EIF3B: variants seen among roughly 807,000 people sequenced by gnomAD.
EIF3B encodes eukaryotic translation initiation factor 3 subunit B, also known as eukaryotic translation initiation factor 3 subunit 9.
Under a neutral mutation model 104.6 loss-of-function variants are expected in EIF3B, and 10 were observed. The observed-to-expected ratio is 0.10, with a 90% CI of 0.06 to 0.16. The LOEUF (loss-of-function observed/expected upper bound fraction) is 0.16, where lower values mean the gene tolerates loss of function less well. Ranked by LOEUF, EIF3B falls within the 10% of genes least tolerant of loss-of-function variation. The pLI is 1.00. For missense variants in EIF3B, 1,014 were observed against 1,087.9 expected, an observed-to-expected ratio of 0.93 and a Z score of 0.96; for synonymous variants, 542 against 417.2, an observed-to-expected ratio of 1.30 and a Z score of -3.65.
chr7:2,360,893 A>C lies in EIF3B; in HGVS notation c.683A>C (p.Lys228Thr), dbSNP rs1363256975. 2.5e-6 allele frequency: 4 copies of C among 1,610,510 alleles called. No individual in the cohort carries two copies. Among genetic ancestry groups the C allele is most frequent in the Non-Finnish European group, 3.4e-6 (4 of 1,176,962 alleles). ...GATTTTTATCCTGAAGAGGATGGGA[A>C]GACAAAAGGGTGAGTGTTCTCCTGT... is the stretch of plus-strand genomic sequence containing the variant. ...TNDFYPEEDGKTKGYIFLEYA... is the reference protein window; with the variant it reads ...TNDFYPEEDGTTKGYIFLEYA... The change falls in exon 2 of 19, where the codon AAG becomes ACG. Residue 228 changes from lysine (K) to threonine (T), a missense_variant. Coordinates refer to ENST00000360876, the MANE Select transcript of EIF3B (RefSeq NM_001037283.2).
chr7:2,360,601 C>T (rs370175348), intron 1 of EIF3B, 109 bp from the exon 2 acceptor site: 1 of 887,898 alleles, frequency 1.1e-6, no homozygotes, highest in Non-Finnish European at 1.7e-6. Context: ...ACAGTGAAAG[C>T]ATTTAGACAA....
At chr7:2,372,059 T>C in intron 11 of EIF3B, 1 of 528,858 alleles carries the variant, frequency 1.9e-6, no homozygotes, top group East Asian at 3.2e-5. Flanking sequence ...TAAAAAAAAT[T>C]AGCCAGGTGT....
intron 14 of EIF3B, 141 bp from the exon 15 acceptor site, chr7:2,376,809 C>G: frequency 7.8e-7 from 1 of 1,273,956 alleles, no homozygotes; most frequent in Admixed American, 2.7e-5. Context: ...CCCACCTACC[C>G]TGCTGTCAGC....
At position 2,362,606 on chromosome 7, in the gene EIF3B, T is replaced by C. The variant is rs1467044126; in HGVS notation, c.693-39T>C. The C allele has an allele frequency of 4.3e-6, 7 of 1,613,182 alleles. No individual in the cohort carries two copies. The South Asian group carries it at 7.7e-5, about 18-fold the overall frequency. ...CGGACAGCGCATACCTGCCTAGCCT[T>C]ACAGTGTGGGTATGTGCCAACGGCC... On this transcript the variant is annotated intron_variant, in intron 2 of 18. Transcript: ENST00000360876.
Position 2,354,861 on chromosome 7 carries a change from G to T in EIF3B, c.-61G>T. On this transcript the variant is annotated 5_prime_UTR_variant, in exon 1 of 19. Transcript: ENST00000360876. ...CTGTAGCCGTCGCGGCGCGCGGTGC[G>T]GCCTGGGAGAGTCGGAAGCGCGGCG... is the stretch of plus-strand genomic sequence containing the variant. 9.2e-7 allele frequency: 1 copy of T among 1,087,846 alleles called. No homozygotes were observed. The highest frequency in any genetic ancestry group is 1.1e-6 in the Non-Finnish European group (1 of 895,478). The allele number at this position is 1,087,846 out of a possible 1,614,324, so 67.4% of individuals were successfully genotyped here. A position where few individuals can be genotyped will look rare whatever the true frequency, so the allele number is the denominator to read the frequency against.
chr7:2,373,544 A>G (rs1780472126), intron 12 of EIF3B: 1 of 152,144 alleles, frequency 6.6e-6, no homozygotes, highest in African/African-American at 2.4e-5. Flanking sequence ...CACCTTTCGC[A>G]GCATGATTCT....
In EIF3B at chr7:2,364,999, C is replaced by T. The variant is rs1261774842; in HGVS notation, c.1157+470C>T. Among the ~76,000 whole-genome samples, 5 of 152,244 alleles carry T rather than the reference C, an allele frequency of 3.3e-5. No individual in the cohort carries two copies. In the South Asian group the frequency reaches 6.2e-4, roughly 19 times the overall value. ...TCCTTCCTCTATCACCCAGGCTTGGCGCCACCCAGTGGCACCATTGCAGGC... is the reference window on the plus strand; with the variant it reads ...TCCTTCCTCTATCACCCAGGCTTGGTGCCACCCAGTGGCACCATTGCAGGC... On this transcript the variant is annotated intron_variant, in intron 6 of 18. Coordinates refer to ENST00000360876, the MANE Select transcript of EIF3B (RefSeq NM_001037283.2).
rs1245427612 is a variant in EIF3B at position 2,364,473 on chromosome 7, A to G, written c.1101A>G (p.Gln367=). The G allele has an allele frequency of 1.2e-6, 2 of 1,612,896 alleles. No individual in the cohort carries two copies. The highest frequency in any genetic ancestry group is 1.7e-6 in the Non-Finnish European group (2 of 1,179,662). ...TATGGGGGGGAGAGAAATTCAAGCA[A>G]ATTCAGAGATTCAGCCACCAAGGGG... ...IALWGGEKFK[Q]IQRFSHQGVQ... The change falls in exon 6 of 19, where the codon CAA becomes CAG. Residue 367 remains glutamine, a synonymous_variant. Coordinates refer to ENST00000360876, the MANE Select transcript of EIF3B (RefSeq NM_001037283.2).
At chr7:2,357,710 A>C (rs1053128744) in intron 1 of EIF3B, among the ~76,000 whole-genome samples, 1 of 152,198 alleles carries the variant, frequency 6.6e-6, no homozygotes, top group African/African-American at 2.4e-5. Context: ...TTGGGAATCC[A>C]TGAGCCACGT....
At chr7:2,354,096 C>G (rs906444078), upstream of EIF3B, 2 of 152,436 alleles carry the variant, frequency 1.3e-5, no homozygotes, top group African/African-American at 4.8e-5. Flanking sequence ...GTGACCCGCG[C>G]TGTCCCGCGC....
chr7:2,355,592 T>A (rs1296324335), intron 1 of EIF3B, among the ~76,000 whole-genome samples, 172 bp downstream of exon 1: 1 of 152,090 alleles, frequency 6.6e-6, no homozygotes, highest in East Asian at 1.9e-4. Flanking sequence ...CTGGAAGTGT[T>A]CTGAGAGCCC....
At position 2,364,476 on chromosome 7, in the gene EIF3B, T is replaced by G. The variant is rs757102227; in HGVS notation, c.1104T>G (p.Ile368Met). The change falls in exon 6 of 19, where the codon ATT (isoleucine) becomes ATG (methionine). Residue 368 changes from isoleucine to methionine, a missense_variant. Around this residue, in one of 4 missense-constraint regions of EIF3B, gnomAD observed 201 missense variants for 240.7 expected, o/e 0.83. Coordinates refer to ENST00000360876, the MANE Select transcript of EIF3B (RefSeq NM_001037283.2). ...GGGGGGGAGAGAAATTCAAGCAAATTCAGAGATTCAGCCACCAAGGGGTTC... is the reference window on the plus strand; with the variant it reads ...GGGGGGGAGAGAAATTCAAGCAAATGCAGAGATTCAGCCACCAAGGGGTTC... ...ALWGGEKFKQIQRFSHQGVQL... is the reference protein window; with the variant it reads ...ALWGGEKFKQMQRFSHQGVQL... 1 of 1,612,812 alleles carries G rather than the reference T, an allele frequency of 6.2e-7. No individual in the cohort carries two copies. Among genetic ancestry groups the G allele is most frequent in the Non-Finnish European group, 8.5e-7 (1 of 1,179,642 alleles).
intron 9 of EIF3B, 33 bp downstream of exon 9, chr7:2,367,078 T>C: frequency 6.4e-7 from 1 of 1,566,376 alleles, no homozygotes; most frequent in Non-Finnish European, 8.7e-7. Flanking sequence ...TGTCTTAGTG[T>C]GTTCAGGCTG....
At chr7:2,363,861 G>A (rs1779870475) in intron 5 of EIF3B, 101 bp downstream of exon 5, 4 of 1,368,928 alleles carry the variant, frequency 2.9e-6, no homozygotes, top group Middle Eastern at 1.9e-4. Flanking sequence ...AGCAGGTGAC[G>A]TTATATTTTC....
At chr7:2,354,765 C>T (rs1425686075), upstream of EIF3B, 5 of 633,820 alleles carry the variant, frequency 7.9e-6, no homozygotes, top group South Asian at 7.4e-5. Context: ...GTTCGTGAGG[C>T]CCCAGGGCGT....
rs754426557 is a variant in EIF3B, at chr7:2,363,718, C to G, written c.957C>G (p.Phe319Leu). The G allele has an allele frequency of 1.8e-5, 29 of 1,613,998 alleles. No homozygotes were observed. The South Asian group carries it at 3.2e-4, about 18-fold the overall frequency. Residue 319 changes from phenylalanine to leucine, a missense_variant, in exon 5 of 19, where the codon TTC (phenylalanine) becomes TTG (leucine). Phe to Leu is a conservative substitution (Grantham distance 22, BLOSUM62 0). Around this residue, in one of 4 missense-constraint regions of EIF3B, gnomAD observed 201 missense variants for 240.7 expected, o/e 0.83. Transcript: ENST00000360876. ...AGAGTGGAGACCGCACTTCCATATTCTGGAATGACGTAAAAGACCCTGTCT... is the reference window on the plus strand; with the variant it reads ...AGAGTGGAGACCGCACTTCCATATTGTGGAATGACGTAAAAGACCCTGTCT... ...IFESGDRTSI[F>L]WNDVKDPVSI...
Position 2,380,312 on chromosome 7 carries a change from C to T in EIF3B, c.*123C>T, listed in dbSNP as rs1780932433. ...TGTGTGCTGTGGAGCCGAGGCCGTC[C>T]TGCAGGAAGCCGCGTGACTCCCGCC... On this transcript the variant is annotated 3_prime_UTR_variant, in exon 19 of 19. Coordinates refer to ENST00000360876, the MANE Select transcript of EIF3B (RefSeq NM_001037283.2). 1.9e-6 allele frequency: 1 copy of T among 517,244 alleles called. No individual in the cohort carries two copies. Among genetic ancestry groups the T allele is most frequent in the African/African-American group, 1.9e-5 (1 of 52,068 alleles). The allele number at this position is 517,244 out of a possible 1,614,324, so 32.0% of individuals were successfully genotyped here. A position where few individuals can be genotyped will look rare whatever the true frequency, so the allele number is the denominator to read the frequency against.
intron 1 of EIF3B, 141 bp from the exon 2 acceptor site, chr7:2,360,569 A>G: frequency 1.6e-6 from 1 of 624,036 alleles, no homozygotes; most frequent in East Asian, 2.9e-5. Flanking sequence ...GAAACAAGCT[A>G]GGGTTAGGAT....
intron 16 of EIF3B, 165 bp from the exon 17 acceptor site, chr7:2,378,969 G>A (rs899788075): frequency 9.4e-6 from 7 of 748,324 alleles, no homozygotes; most frequent in African/African-American, 1.8e-5. Context: ...TGCCTTGTGG[G>A]TGGGGGGCAG....
Sources: allele counts gnomAD v4.1 joint callset (sites outside exome capture counted in the v4.1 genomes callset), GRCh38; gene constraint gnomAD v4.1.1; regional missense constraint gnomAD v4.1.1; transcripts MANE v1.5; gene names NCBI Gene and HGNC (gene_info 2026-07-23, HGNC 2026-07-21).